GPRASP3: variants seen among roughly 807,000 people sequenced by gnomAD.
GPRASP3 encodes G protein-coupled receptor associated sorting protein family member 3, also known as G protein-coupled receptor associated sorting protein 3.
At chrX:102,750,620 A>C in the GPRASP3 span, 3 of 1,168,617 alleles carry the variant, frequency 2.6e-6, no homozygotes, top group East Asian at 3.0e-5. Context: ...GAAGTTAAAG[A>C]GATTATTGAA....
chrX:102,734,204 T>C, the GPRASP3 span, among the ~76,000 whole-genome samples: 1 of 112,247 alleles, frequency 8.9e-6, no homozygotes, highest in Non-Finnish European at 1.9e-5. Flanking sequence ...TCACAGGGGA[T>C]ATGATGGCTT....
the GPRASP3 span, among the ~76,000 whole-genome samples, chrX:102,748,402 G>A: frequency 9.0e-6 from 1 of 111,387 alleles, no homozygotes; most frequent in Non-Finnish European, 1.9e-5. Flanking sequence ...TTTTAGTGGT[G>A]GACCTACTAG....
the GPRASP3 span, among the ~76,000 whole-genome samples, chrX:102,727,442 C>A: frequency 8.9e-6 from 1 of 112,153 alleles, no homozygotes; most frequent in South Asian, 3.7e-4. Flanking sequence ...ATGCCTCTTC[C>A]TAAACAAGAG....
chrX:102,724,718 GGT>G, the GPRASP3 span, among the ~76,000 whole-genome samples: 3,803 of 98,030 alleles, frequency 0.039, 66 homozygotes, highest in South Asian at 0.061. Flanking sequence ...CAGGGTGACT[GGT>G]GTGTGTGTGT....
the GPRASP3 span, among the ~76,000 whole-genome samples, chrX:102,738,877 T>C: frequency 9.0e-6 from 1 of 111,497 alleles, no homozygotes; most frequent in African/African-American, 3.3e-5. Flanking sequence ...CCCAAGGTGG[T>C]TGGGGCACAG....
the GPRASP3 span, among the ~76,000 whole-genome samples, chrX:102,729,299 C>T: frequency 8.9e-6 from 1 of 111,870 alleles, no homozygotes; most frequent in Non-Finnish European, 1.9e-5. Flanking sequence ...AGGCGTTTCT[C>T]CTATTTCAGC....
At chrX:102,741,219 G>C in the GPRASP3 span, among the ~76,000 whole-genome samples, 2 of 111,982 alleles carry the variant, frequency 1.8e-5, no homozygotes, top group African/African-American at 3.2e-5. Context: ...GGATAGAAAT[G>C]AAAGCATGCT....
chrX:102,749,708 C>T, the GPRASP3 span: 346 of 1,209,325 alleles, frequency 2.9e-4, 2 homozygotes, highest in African/African-American at 4.4e-3. Flanking sequence ...TCCCAGGCAC[C>T]ATCTGAGGCA....
the GPRASP3 span, chrX:102,748,921 T>C: frequency 5.8e-6 from 6 of 1,026,013 alleles, no homozygotes; most frequent in Admixed American, 3.0e-5. Context: ...AGTGAAAGAG[T>C]GTTAAGACTT....
chrX:102,727,751 C>G, the GPRASP3 span, among the ~76,000 whole-genome samples: 1 of 112,356 alleles, frequency 8.9e-6, no homozygotes, highest in East Asian at 2.8e-4. Context: ...AGGAATAGAT[C>G]AGAAATTTTA....
At chrX:102,723,964 G>A in the GPRASP3 span, among the ~76,000 whole-genome samples, 129 of 112,079 alleles carry the variant, frequency 1.2e-3, no homozygotes, top group African/African-American at 3.9e-3. Context: ...ACTCCATAAG[G>A]AGAGGGTATG....
the GPRASP3 span, among the ~76,000 whole-genome samples, chrX:102,730,775 C>T: frequency 9.0e-6 from 1 of 110,876 alleles, no homozygotes; most frequent in Non-Finnish European, 1.9e-5. Context: ...GTAATATCTA[C>T]CTGTGGAGAT....
the GPRASP3 span, among the ~76,000 whole-genome samples, chrX:102,727,978 C>T: frequency 1.8e-5 from 2 of 111,438 alleles, no homozygotes; most frequent in East Asian, 2.8e-4. Context: ...TCTGGGTACT[C>T]CCAACTCTTC....
At chrX:102,725,096 C>G in the GPRASP3 span, among the ~76,000 whole-genome samples, 2 of 111,525 alleles carry the variant, frequency 1.8e-5, no homozygotes, top group Non-Finnish European at 3.8e-5. Context: ...GATTTTCTAT[C>G]AAGGCTTTCA....
At chrX:102,721,385 T>C in the GPRASP3 span, among the ~76,000 whole-genome samples, 1 of 111,598 alleles carries the variant, frequency 9.0e-6, no homozygotes, top group Non-Finnish European at 1.9e-5. Flanking sequence ...TGGGGATGGC[T>C]GATACCAGCT....
chrX:102,747,726 T>C, the GPRASP3 span: 2 of 112,121 alleles, frequency 1.8e-5, no homozygotes, highest in African/African-American at 6.5e-5. Flanking sequence ...GCCTTGAATA[T>C]TCAAAAGCAT....
chrX:102,722,394 G>A, the GPRASP3 span, among the ~76,000 whole-genome samples: 10 of 112,371 alleles, frequency 8.9e-5, no homozygotes, highest in African/African-American at 2.9e-4. Context: ...TGTGGATTTG[G>A]GGTACACCAC....
At chrX:102,722,901 T>C in the GPRASP3 span, among the ~76,000 whole-genome samples, 49 of 111,395 alleles carry the variant, frequency 4.4e-4, no homozygotes, top group Non-Finnish European at 2.1e-4. Flanking sequence ...AGAAGGAATA[T>C]GATCTAGTGT....
At chrX:102,739,980 A>G in the GPRASP3 span, among the ~76,000 whole-genome samples, 1 of 112,509 alleles carries the variant, frequency 8.9e-6, no homozygotes, top group Non-Finnish European at 1.9e-5. Context: ...CACCCAAGGC[A>G]GAAGGTCTGG....
Sources: gnomAD v4.1 joint callset for allele counts (sites outside exome capture counted in the v4.1 genomes callset) on GRCh38, gnomAD v4.1.1 for gene constraint, MANE v1.5 for transcripts, NCBI Gene and HGNC (gene_info 2026-07-23, HGNC 2026-07-21) for gene names.